The following SASH1 variants were observed in gnomAD, a reference collection of about 807,000 sequenced individuals.
SASH1 encodes the protein SAM and SH3 domain containing 1.
A neutral mutation model predicts 125.2 loss-of-function variants in SASH1; 44 were observed. That is an observed-to-expected ratio of 0.35 (90% CI 0.28 to 0.45). The LOEUF (loss-of-function observed/expected upper bound fraction) is 0.45. Among genes scored for constraint, SASH1 ranks in the 20% least tolerant of loss-of-function variants. SASH1 has a pLI of 1.00. For missense variants in SASH1, 1,426 were observed against 1,614.5 expected (o/e 0.88, Z 2.00); for synonymous variants, 639 against 649.1 (o/e 0.98, Z 0.24).
intron 1 of SASH1, among the ~76,000 whole-genome samples, chr6:148,335,169 G>C (rs1407473507): frequency 3.3e-5 from 5 of 151,116 alleles, no homozygotes; most frequent in Non-Finnish European, 7.4e-5. Flanking sequence ...GTGGTGGCAT[G>C]TGCCTGTAAT....
intron 2 of SASH1, among the ~76,000 whole-genome samples, chr6:148,423,086 A>ACG (rs1775643304): frequency 6.6e-6 from 1 of 151,980 alleles, no homozygotes; most frequent in Non-Finnish European, 1.5e-5. Context: ...CTACAGGCGC[A>ACG]CGCCACCACG....
At chr6:148,413,260 A>T (rs1324718464) in intron 2 of SASH1, among the ~76,000 whole-genome samples, 1 of 152,220 alleles carries the variant, frequency 6.6e-6, no homozygotes, top group Non-Finnish European at 1.5e-5. Flanking sequence ...GAATGACCCA[A>T]GGATTATGCT....
rs887122290 is a variant in SASH1, at chr6:148,551,983, A to G, written c.*3425A>G. The G allele has an allele frequency of 7.9e-5, 12 of 152,656 alleles. No homozygotes were observed. The highest frequency in any genetic ancestry group is 2.7e-4 in the African/African-American group (11 of 41,462). 9.5% of individuals were successfully genotyped at this position (152,656 alleles called of 1,614,324 possible). ...CGGAAGGGTTTTCCTATGTATCAAA[A>G]CTTGTCTATAATTATGTCATCTATG... On this transcript the variant is annotated 3_prime_UTR_variant, in exon 20 of 20. Coordinates refer to ENST00000367467, the MANE Select transcript of SASH1 (RefSeq NM_015278.5).
upstream of SASH1, among the ~76,000 whole-genome samples, chr6:148,342,116 G>A (rs906058197): frequency 6.6e-6 from 1 of 152,136 alleles, no homozygotes; most frequent in East Asian, 1.9e-4. Context: ...AACCCAAAGC[G>A]CATTTCCCTT....
At chr6:148,431,292 G>A (rs1362598248) in intron 2 of SASH1, among the ~76,000 whole-genome samples, 2 of 151,820 alleles carry the variant, frequency 1.3e-5, no homozygotes, top group Admixed American at 6.6e-5. Flanking sequence ...TCCTCCTCCC[G>A]GGTTCAAGCC....
intron 1 of SASH1, among the ~76,000 whole-genome samples, chr6:148,290,467 G>T (rs184007558): frequency 1.8e-3 from 274 of 151,934 alleles, no homozygotes; most frequent in African/African-American, 6.4e-3. Context: ...TTAGCCGGGC[G>T]TGGTGGCAGG....
intron 9 of SASH1, among the ~76,000 whole-genome samples, chr6:148,517,265 A>G (rs954580182): frequency 4.6e-5 from 7 of 152,164 alleles, no homozygotes; most frequent in Non-Finnish European, 7.3e-5. Flanking sequence ...AAGGTCATGG[A>G]GCTGTGAGTG....
chr6:148,537,580 AGTTAAT>A (rs1308005091), intron 16 of SASH1, among the ~76,000 whole-genome samples: 1 of 152,220 alleles, frequency 6.6e-6, no homozygotes, highest in Non-Finnish European at 1.5e-5. Flanking sequence ...CACATGCTGA[AGTTAAT>A]GTTTTGCCAT....
chr6:148,270,569 A>AT (rs961425490), upstream of SASH1, among the ~76,000 whole-genome samples: 10 of 152,090 alleles, frequency 6.6e-5, no homozygotes, highest in Non-Finnish European at 1.5e-4. Flanking sequence ...TTCAGATCCA[A>AT]TTTTTTGGCT....
At chr6:148,430,074 G>A (rs913612950) in intron 2 of SASH1, among the ~76,000 whole-genome samples, 15 of 152,224 alleles carry the variant, frequency 9.9e-5, no homozygotes, top group Non-Finnish European at 1.2e-4. Context: ...TAAGGCCCAA[G>A]TGGGCAGAGA....
chr6:148,475,121 A>G (rs1157968480), intron 7 of SASH1, among the ~76,000 whole-genome samples: 1 of 152,094 alleles, frequency 6.6e-6, no homozygotes, highest in African/African-American at 2.4e-5. Context: ...TGAACAACAA[A>G]CCCATTGATT....
chr6:148,195,677 G>T, the SASH1 span, among the ~76,000 whole-genome samples: 1 of 152,196 alleles, frequency 6.6e-6, no homozygotes, highest in African/African-American at 2.4e-5. Context: ...TAAGTCAGCA[G>T]CCCCAGAAGG....
chr6:148,202,972 A>C, the SASH1 span, among the ~76,000 whole-genome samples: 4 of 152,140 alleles, frequency 2.6e-5, no homozygotes, highest in Non-Finnish European at 5.9e-5. Flanking sequence ...CAAAAACAAA[A>C]AACAGAAAAG....
chr6:148,299,977 G>C (rs1779896193), intron 1 of SASH1, among the ~76,000 whole-genome samples: 1 of 152,158 alleles, frequency 6.6e-6, no homozygotes, highest in Non-Finnish European at 1.5e-5. Context: ...CCTGGGGCCT[G>C]TTTCCACTGA....
At chr6:148,376,212 G>A (rs550078567) in intron 1 of SASH1, among the ~76,000 whole-genome samples, 8 of 152,132 alleles carry the variant, frequency 5.3e-5, no homozygotes, top group African/African-American at 1.2e-4. Context: ...GATTACAGGC[G>A]TGTGCCACCA....
the SASH1 span, among the ~76,000 whole-genome samples, chr6:148,238,606 T>C: frequency 7.3e-6 from 1 of 137,162 alleles, no homozygotes. Context: ...CTAATGTGTG[T>C]ATGTGTCATA....
At chr6:148,481,246 T>G (rs1267540486) in intron 7 of SASH1, among the ~76,000 whole-genome samples, 2 of 152,166 alleles carry the variant, frequency 1.3e-5, no homozygotes, top group African/African-American at 4.8e-5. Flanking sequence ...AGTTAGGGCC[T>G]TGCTCTGGAT....
In SASH1 at chr6:148,502,439, C is replaced by T. The variant is rs558510753; in HGVS notation, c.730-11885C>T. 5.3e-4 allele frequency among the ~76,000 whole-genome samples: 81 copies of T among 152,298 alleles called. No individual in the cohort carries two copies. The Middle Eastern group carries it at 0.01, about 19-fold the overall frequency. The stretch of plus-strand genomic sequence containing the variant: ...TAAACACACTTTCAAGTAACTCTAA[C>T]TTATTTGAACAGTGAGACTAATTTT... On this transcript the variant is annotated intron_variant, in intron 8 of 19. Transcript: ENST00000367467.
chr6:148,302,371 G>C (rs1211979851), intron 1 of SASH1, among the ~76,000 whole-genome samples: 1 of 140,864 alleles, frequency 7.1e-6, no homozygotes, highest in Non-Finnish European at 1.5e-5. Flanking sequence ...GGTTAATAGA[G>C]ACTAAGTGAG....
Sources: gnomAD v4.1 joint callset for allele counts (sites outside exome capture counted in the v4.1 genomes callset) on GRCh38, gnomAD v4.1.1 for gene constraint, MANE v1.5 for transcripts, NCBI Gene and HGNC (gene_info 2026-07-23, HGNC 2026-07-21) for gene names.